WDR7: variants seen among roughly 807,000 people sequenced by gnomAD.
WDR7 encodes WD repeat-containing protein 7.
In WDR7, 46 loss-of-function variants were observed where a neutral mutation model predicts 169.4. The observed-to-expected ratio is 0.27, with a 90% CI of 0.21 to 0.35. WDR7 has a LOEUF of 0.35. Ranked by LOEUF, WDR7 falls within the 10% of genes least tolerant of loss-of-function variation. The pLI is 1.00. For missense variants in WDR7, 1,534 were observed against 1,859.3 expected, an observed-to-expected ratio of 0.83 and a Z score of 3.22; for synonymous variants, 612 against 666.8, an observed-to-expected ratio of 0.92 and a Z score of 1.27.
At chr18:56,979,910 G>A (rs750314498) in intron 26 of WDR7, among the ~76,000 whole-genome samples, 1 of 152,198 alleles carries the variant, frequency 6.6e-6, no homozygotes, top group Non-Finnish European at 1.5e-5. Flanking sequence ...CATTTAGTTT[G>A]TTACTATATC....
At chr18:56,896,101 TATAAA>T (rs2046329330) in intron 21 of WDR7, among the ~76,000 whole-genome samples, 1 of 151,828 alleles carries the variant, frequency 6.6e-6, no homozygotes, top group South Asian at 2.1e-4. Context: ...TATTATAAAA[TATAAA>T]ATACCAAAGC....
At chr18:56,827,943 C>T (rs779999662) in intron 20 of WDR7, among the ~76,000 whole-genome samples, 2 of 152,148 alleles carry the variant, frequency 1.3e-5, no homozygotes, top group Admixed American at 6.5e-5. Context: ...AGAACTGGAG[C>T]ATAGTAAGTG....
intron 27 of WDR7, among the ~76,000 whole-genome samples, chr18:57,021,746 A>C (rs1240630179): frequency 6.6e-6 from 1 of 152,238 alleles, no homozygotes; most frequent in Non-Finnish European, 1.5e-5. Context: ...AGTTAATTTA[A>C]AATTTTGTTG....
intron 19 of WDR7, among the ~76,000 whole-genome samples, chr18:56,812,721 G>A (rs925010976): frequency 3.3e-5 from 5 of 152,082 alleles, no homozygotes; most frequent in African/African-American, 1.2e-4. Context: ...ATGTCCAAGG[G>A]CAGAAGAAAA....
At chr18:56,873,318 T>A (rs572157964) in intron 20 of WDR7, among the ~76,000 whole-genome samples, 21 of 152,334 alleles carry the variant, frequency 1.4e-4, no homozygotes, top group African/African-American at 4.6e-4. Flanking sequence ...TTTCATATTT[T>A]GGCCACTTAG....
intron 26 of WDR7, among the ~76,000 whole-genome samples, chr18:56,977,405 A>T (rs2047583762): frequency 6.6e-6 from 1 of 152,216 alleles, no homozygotes; most frequent in South Asian, 2.1e-4. Context: ...GCTCTGATCC[A>T]TTCTGGCATC....
chr18:56,698,345 G>T (rs1178116598), intron 12 of WDR7, among the ~76,000 whole-genome samples: 1 of 152,082 alleles, frequency 6.6e-6, no homozygotes, highest in Non-Finnish European at 1.5e-5. Context: ...GGTGGCTCAT[G>T]CCTGTAATCC....
chr18:56,756,541 G>C (rs779859463), intron 14 of WDR7, 42 bp from the exon 15 acceptor site: 10 of 1,426,556 alleles, frequency 7.0e-6, no homozygotes, highest in Non-Finnish European at 9.4e-6. Context: ...ATGAAATTAA[G>C]CACTTTTAAT....
At chr18:56,943,326 T>G (rs1045686907) in intron 25 of WDR7, among the ~76,000 whole-genome samples, 2 of 152,086 alleles carry the variant, frequency 1.3e-5, no homozygotes, top group African/African-American at 4.8e-5. Context: ...TTTAAAATCT[T>G]TATATAGTTT....
intron 15 of WDR7, 143 bp downstream of exon 15, chr18:56,757,495 A>G: frequency 1.2e-6 from 1 of 809,668 alleles, no homozygotes; most frequent in Non-Finnish European, 1.8e-6. Flanking sequence ...TTACATTTTA[A>G]AACACCAGTT....
intron 19 of WDR7, among the ~76,000 whole-genome samples, chr18:56,802,615 A>G (rs550168367): frequency 4.7e-4 from 71 of 150,476 alleles, no homozygotes; most frequent in African/African-American, 1.7e-3. Context: ...TGATACACCC[A>G]TCTTGGCCTC....
Position 56,679,397 on chromosome 18 carries a change from T to G in WDR7, c.225T>G (p.Ala75=), listed in dbSNP as rs745372495. The G allele has an allele frequency of 1.2e-6, 2 of 1,612,412 alleles. No individual in the cohort carries two copies. Among genetic ancestry groups the G allele is most frequent in the Non-Finnish European group, 1.7e-6 (2 of 1,178,610 alleles). Residue 75 remains alanine, a synonymous_variant, in exon 3 of 28, where the codon GCT becomes GCG. Coordinates refer to ENST00000254442, the MANE Select transcript of WDR7 (RefSeq NM_015285.3). ...TCACTTGTTTGTCTAAAGCTTGTGC[T>G]TCCAGTGACAAACAGTATATTGTGA... The part of the protein sequence containing the change: ...ASITCLSKAC[A]SSDKQYIVSA...
At chr18:56,793,826 A>C (rs980354160) in intron 19 of WDR7, among the ~76,000 whole-genome samples, 2 of 152,190 alleles carry the variant, frequency 1.3e-5, no homozygotes, top group Admixed American at 6.5e-5. Flanking sequence ...GCGGGCTTAC[A>C]TCTTTCTATT....
intron 25 of WDR7, among the ~76,000 whole-genome samples, chr18:56,953,197 T>C (rs1276459383): frequency 6.6e-6 from 1 of 152,144 alleles, no homozygotes; most frequent in Non-Finnish European, 1.5e-5. Context: ...TTAAAACATC[T>C]CTAAAAAATA....
chr18:56,845,892 C>A (rs1010919282), intron 20 of WDR7, among the ~76,000 whole-genome samples: 1 of 151,986 alleles, frequency 6.6e-6, no homozygotes, highest in African/African-American at 2.4e-5. Context: ...TGTTATTATG[C>A]TATGTTTTTA....
At chr18:56,675,919 A>C (rs949107868) in intron 2 of WDR7, among the ~76,000 whole-genome samples, 7 of 152,062 alleles carry the variant, frequency 4.6e-5, no homozygotes, top group African/African-American at 1.7e-4. Flanking sequence ...TCCCAGGTTC[A>C]AGTGATCCTC....
At chr18:57,000,490 T>C (rs1279194170) in intron 26 of WDR7, among the ~76,000 whole-genome samples, 1 of 152,184 alleles carries the variant, frequency 6.6e-6, no homozygotes, top group African/African-American at 2.4e-5. Context: ...TGTAAAAAGA[T>C]TTATTTTTTC....
intron 20 of WDR7, among the ~76,000 whole-genome samples, chr18:56,846,007 G>A (rs985921406): frequency 2.0e-5 from 3 of 152,104 alleles, no homozygotes; most frequent in East Asian, 1.9e-4. Context: ...AATATAAAAT[G>A]TTCTCTTCCC....
chr18:57,026,444 GA>G (rs2048367170), intron 27 of WDR7, among the ~76,000 whole-genome samples: 1 of 152,226 alleles, frequency 6.6e-6, no homozygotes, highest in African/African-American at 2.4e-5. Flanking sequence ...GAGCTTTCCA[GA>G]AAGCGAGTTT....
Sources: allele counts gnomAD v4.1 joint callset (sites outside exome capture counted in the v4.1 genomes callset), GRCh38; gene constraint gnomAD v4.1.1; transcripts MANE v1.5; gene names NCBI Gene and HGNC (gene_info 2026-07-23, HGNC 2026-07-21).